The following ATG13 variants were observed in gnomAD, a reference collection of about 807,000 sequenced individuals.
ATG13 encodes the protein autophagy-related protein 13.
ATG13 carries 23 observed loss-of-function variants against 65.5 expected under a neutral mutation model. That is an observed-to-expected ratio of 0.35 (90% CI 0.25 to 0.50). The LOEUF is 0.50. Among genes scored for constraint, ATG13 ranks in the 20% least tolerant of loss-of-function variants. ATG13 has a pLI of 0.98. For missense variants in ATG13, 566 were observed against 677.0 expected, an observed-to-expected ratio of 0.84 and a Z score of 1.82; for synonymous variants, 252 against 245.2, an observed-to-expected ratio of 1.03 and a Z score of -0.26.
At chr11:46,620,899 A>G (rs1384034763) in intron 1 of ATG13, 1 of 152,258 alleles carries the variant, frequency 6.6e-6, no homozygotes, top group African/African-American at 2.4e-5. Context: ...GTGGAGCAGA[A>G]AAATAAAATG....
chr11:46,646,212 G>T (rs1194358232), intron 5 of ATG13, among the ~76,000 whole-genome samples: 1 of 151,788 alleles, frequency 6.6e-6, no homozygotes, highest in Non-Finnish European at 1.5e-5. Flanking sequence ...GCAGTGGAGC[G>T]ATCTCGGCTC....
rs757516956 is a variant in ATG13 at position 46,668,532 on chromosome 11, A to G, written c.1285A>G (p.Met429Val). ...GACGAGTTTGGATATACCCTTTGCC[A>G]TGTTTGCTCCCAAGAATTTGGAGCT... Reference protein sequence around the residue: ...TLTSLDIPFAMFAPKNLELED... With the variant: ...TLTSLDIPFAVFAPKNLELED... The change falls in exon 16 of 19, where the codon ATG becomes GTG. Residue 429 changes from methionine to valine, a missense_variant. By Grantham distance (21) the Met-to-Val change is conservative. This residue lies in a region of ATG13 where 387 missense variants were observed against 409.8 expected (regional missense o/e 0.94). Coordinates refer to ENST00000683050, the MANE Select transcript of ATG13 (RefSeq NM_001346311.2). The G allele has an allele frequency of 3.1e-6, 5 of 1,614,036 alleles. No homozygotes were observed. The highest frequency in any genetic ancestry group is 3.3e-5 in the Admixed American group (2 of 59,986).
intron 1 of ATG13, among the ~76,000 whole-genome samples, chr11:46,623,016 C>T (rs547117581): frequency 1.3e-5 from 2 of 152,162 alleles, no homozygotes; most frequent in African/African-American, 4.8e-5. Context: ...GTATTTGGGC[C>T]GGGTGCCGTG....
intron 2 of ATG13, among the ~76,000 whole-genome samples, chr11:46,640,295 C>G (rs1002251164): frequency 6.6e-6 from 1 of 152,196 alleles, no homozygotes; most frequent in Non-Finnish European, 1.5e-5. Flanking sequence ...TCTTGTTAAT[C>G]TTCTAAGAAT....
Position 46,664,032 on chromosome 11 carries a change from C to G in ATG13, c.825C>G (p.Thr275=), listed in dbSNP as rs1164866102. The change falls in exon 12 of 19, where the codon ACC becomes ACG. Residue 275 remains threonine (T), a synonymous_variant. Transcript: ENST00000683050. ...CTGTCACAAAGGCACATTTTCAGAC[C>G]CCTACTCCTGTGGTGACGGACACCC... The part of the protein sequence containing the change: ...VFTVTKAHFQ[T]PTPVVTDTLR... 6.3e-7 allele frequency: 1 copy of G among 1,597,230 alleles called. No individual in the cohort carries two copies. The highest frequency in any genetic ancestry group is 8.5e-7 in the Non-Finnish European group (1 of 1,179,554).
chr11:46,663,195 G>A (rs2061538251), intron 11 of ATG13, among the ~76,000 whole-genome samples: 1 of 150,472 alleles, frequency 6.6e-6, no homozygotes, highest in Non-Finnish European at 1.5e-5. Context: ...GAACCTGGGA[G>A]GTGGACATTG....
At position 46,672,757 on chromosome 11, in the gene ATG13, T is replaced by A. The variant is rs750540872; in HGVS notation, c.*425T>A. 5.0e-6 allele frequency: 6 copies of A among 1,202,834 alleles called. 1 individual carries two copies. The highest frequency in any genetic ancestry group is 6.3e-6 in the Non-Finnish European group (6 of 956,388). 74.5% of individuals were successfully genotyped at this position (1,202,834 alleles called of 1,614,324 possible). A position where few individuals can be genotyped will look rare whatever the true frequency, so the allele number is the denominator to read the frequency against. The stretch of plus-strand genomic sequence containing the variant: ...TTCCAGCTGGTGGCCAAGAGATTGG[T>A]GTGGAGTCGCAGAAAGAGGAAGGAG... On this transcript the variant is annotated 3_prime_UTR_variant, in exon 19 of 19. Transcript: ENST00000683050.
At chr11:46,672,091 C>T (rs1261943848) in intron 18 of ATG13, among the ~76,000 whole-genome samples, 164 bp from the exon 19 acceptor site, 2 of 152,258 alleles carry the variant, frequency 1.3e-5, no homozygotes. Context: ...GCATATACCC[C>T]TCCCTACCCT....
Position 46,651,181 on chromosome 11 carries a change from A to G in ATG13, c.458+864A>G, listed in dbSNP as rs529379845. Among the ~76,000 whole-genome samples, 8 of 152,316 alleles carry G rather than the reference A, an allele frequency of 5.3e-5. No individual in the cohort carries two copies. In the East Asian group the frequency reaches 1.5e-3, roughly 29 times the overall value. Reference sequence around the variant, plus strand: ...TAGAGGTGGTTTAATGTAGTGAGGAAAACAATTTGATACATGTATAATTAC... The same window carrying G: ...TAGAGGTGGTTTAATGTAGTGAGGAGAACAATTTGATACATGTATAATTAC... On this transcript the variant is annotated intron_variant, in intron 7 of 18. Coordinates refer to ENST00000683050, the MANE Select transcript of ATG13 (RefSeq NM_001346311.2).
intron 12 of ATG13, among the ~76,000 whole-genome samples, chr11:46,664,506 G>T (rs1419955157): frequency 1.3e-5 from 2 of 152,180 alleles, no homozygotes; most frequent in East Asian, 3.8e-4. Context: ...GGTGACTTCG[G>T]CTACCAGTTC....
At chr11:46,624,412 C>G (rs964073825) in intron 1 of ATG13, among the ~76,000 whole-genome samples, 1 of 152,064 alleles carries the variant, frequency 6.6e-6, no homozygotes, top group Non-Finnish European at 1.5e-5. Flanking sequence ...TTAAGAAATC[C>G]AGGAACTGGT....
At chr11:46,656,928 TACACACAC>T (rs144572744) in intron 8 of ATG13, 159 bp from the exon 9 acceptor site, 1 of 577,912 alleles carries the variant, frequency 1.7e-6, no homozygotes, top group East Asian at 2.9e-5. Flanking sequence ...TACACGCACA[TACACACAC>T]ACACACACAC....
At chr11:46,655,120 C>G (rs888671502) in intron 7 of ATG13, among the ~76,000 whole-genome samples, 2 of 150,562 alleles carry the variant, frequency 1.3e-5, no homozygotes, top group Non-Finnish European at 3.0e-5. Context: ...AAAAACAGGT[C>G]CGGGCGCAGT....
At position 46,651,023 on chromosome 11, in the gene ATG13, T is replaced by C. The variant is rs2058788070; in HGVS notation, c.458+706T>C. ...TAACTCAGTTTAAGTTTTTAATTAGTTGTCTGTGGATATAAAGAATGGGTC... is the reference window on the plus strand; with the variant it reads ...TAACTCAGTTTAAGTTTTTAATTAGCTGTCTGTGGATATAAAGAATGGGTC... On this transcript the variant is annotated intron_variant, in intron 7 of 18. Transcript: ENST00000683050. 2.0e-5 allele frequency among the ~76,000 whole-genome samples: 3 copies of C among 152,238 alleles called. No homozygotes were observed. The South Asian group carries it at 6.2e-4, about 31-fold the overall frequency.
At chr11:46,661,062 G>C (rs1049025124) in intron 11 of ATG13, among the ~76,000 whole-genome samples, 1 of 152,020 alleles carries the variant, frequency 6.6e-6, no homozygotes, top group African/African-American at 2.4e-5. Flanking sequence ...GTCTGTCTCT[G>C]TCGCCAAGGC....
intron 1 of ATG13, among the ~76,000 whole-genome samples, chr11:46,619,666 A>T (rs913633332): frequency 6.6e-5 from 10 of 151,674 alleles, no homozygotes; most frequent in Non-Finnish European, 1.3e-4. Flanking sequence ...GGGATTACAG[A>T]CATGAGCCAC....
intron 11 of ATG13, among the ~76,000 whole-genome samples, chr11:46,663,373 C>T (rs1360095824): frequency 6.6e-6 from 1 of 151,750 alleles, no homozygotes; most frequent in Non-Finnish European, 1.5e-5. Context: ...TTTCAACATG[C>T]CCCCAGCTTT....
chr11:46,663,950 T>C (rs762622705), intron 11 of ATG13, 47 bp from the exon 12 acceptor site: 36 of 1,101,436 alleles, frequency 3.3e-5, no homozygotes, highest in Admixed American at 6.6e-5. Flanking sequence ...CTTTTCTTTT[T>C]TTTTTTTTTT....
intron 5 of ATG13, 37 bp from the exon 6 acceptor site, chr11:46,649,100 T>G (rs1403826507): frequency 6.3e-7 from 1 of 1,584,764 alleles, no homozygotes; most frequent in Non-Finnish European, 8.6e-7. Flanking sequence ...AATTAAAAAT[T>G]TTTTAAACAA....
Sources: allele counts gnomAD v4.1 joint callset (sites outside exome capture counted in the v4.1 genomes callset), GRCh38; gene constraint gnomAD v4.1.1; regional missense constraint gnomAD v4.1.1; transcripts MANE v1.5; gene names NCBI Gene and HGNC (gene_info 2026-07-23, HGNC 2026-07-21).